ATRNL1: variants seen among roughly 807,000 people sequenced by gnomAD.
The protein encoded by ATRNL1 is attractin-like protein 1.
In ATRNL1, 95 loss-of-function variants were observed where a neutral mutation model predicts 182.7. The ratio of observed to expected loss-of-function variants is 0.52; its 90% CI spans 0.44 to 0.62. The LOEUF is 0.62. Among genes scored for constraint, ATRNL1 ranks in the 20% least tolerant of loss-of-function variants. The probability of loss-of-function intolerance (pLI) is 0.00; values close to 1 mark genes in which losing one functional copy is unlikely to be tolerated. For synonymous variants in ATRNL1, 576 were observed against 568.3 expected (o/e 1.01, Z -0.19); for missense variants, 1,471 against 1,679.5 (o/e 0.88, Z 2.17).
chr10:115,711,251 C>T lies in ATRNL1; in HGVS notation c.3796-15997C>T, dbSNP rs74158259. On this transcript the variant is annotated intron_variant, in intron 26 of 28. Transcript: ENST00000355044. ...GAATTAGGCAGATTTTGTCACCTGC[C>T]ATGGATAATACATTAAGGTATGCTG... is the stretch of plus-strand genomic sequence containing the variant. Among the ~76,000 whole-genome samples the T allele has an allele frequency of 1.3e-3, 205 of 152,164 alleles. 1 individual carries two copies. The highest frequency in any genetic ancestry group is 4.8e-3 in the African/African-American group (199 of 41,516).
intron 22 of ATRNL1, among the ~76,000 whole-genome samples, chr10:115,465,950 G>GCTGTTC (rs1311898550): frequency 1.3e-5 from 2 of 151,534 alleles, no homozygotes; most frequent in Non-Finnish European, 1.5e-5. Flanking sequence ...TAGAGAATAA[G>GCTGTTC]CTGTTCTTCC....
chr10:115,601,213 A>C (rs1212791804), intron 26 of ATRNL1, among the ~76,000 whole-genome samples: 3 of 152,052 alleles, frequency 2.0e-5, no homozygotes, highest in African/African-American at 7.2e-5. Context: ...AATTCTAATT[A>C]GTTCTGTATT....
chr10:115,828,099 C>T (rs138614169), intron 27 of ATRNL1, among the ~76,000 whole-genome samples: 40 of 152,220 alleles, frequency 2.6e-4, no homozygotes, highest in African/African-American at 9.4e-4. Context: ...GGGCGGATCA[C>T]CTGAGGTCTG....
intron 26 of ATRNL1, among the ~76,000 whole-genome samples, chr10:115,582,530 G>A (rs1350734009): frequency 1.6e-5 from 2 of 123,200 alleles, no homozygotes; most frequent in African/African-American, 5.4e-5. Context: ...TTTTTTGGCT[G>A]CATAAATGTC....
Position 115,323,092 on chromosome 10 carries a change from C to A in ATRNL1, c.3037+7356C>A, listed in dbSNP as rs117614311. 1.9e-3 allele frequency among the ~76,000 whole-genome samples: 289 copies of A among 152,050 alleles called. 1 individual carries two copies. The highest frequency in any genetic ancestry group is 2.4e-3 in the Non-Finnish European group (163 of 67,988). On this transcript the variant is annotated intron_variant, in intron 18 of 28. Transcript: ENST00000355044. Reference sequence around the variant, plus strand: ...TTATTTTCTTTTCTCTTTCTCCCTCCTCTCTTTCCAGTGTTTCTATTATTC... The same window carrying A: ...TTATTTTCTTTTCTCTTTCTCCCTCATCTCTTTCCAGTGTTTCTATTATTC...
At chr10:115,871,403 G>A (rs1186808889) in intron 28 of ATRNL1, among the ~76,000 whole-genome samples, 1 of 148,522 alleles carries the variant, frequency 6.7e-6, no homozygotes, top group Middle Eastern at 3.3e-3. Flanking sequence ...TCACTGATAG[G>A]TTGAGGTTAT....
chr10:115,223,887 A>ATATGTGTGTGTGTGTG (rs1554771070), intron 9 of ATRNL1, among the ~76,000 whole-genome samples: 2 of 80,088 alleles, frequency 2.5e-5, no homozygotes, highest in African/African-American at 1.1e-4. Context: ...TATTTAATAT[A>ATATGTGTGTGTGTGTG]TGTGTGTGTG....
chr10:115,728,086 T>G (rs377545217), intron 27 of ATRNL1, among the ~76,000 whole-genome samples: 1 of 116,524 alleles, frequency 8.6e-6, no homozygotes, highest in Non-Finnish European at 1.7e-5. Flanking sequence ...CCATCCTGGC[T>G]AACATGGTGA....
At chr10:115,743,541 A>G (rs1555068331) in intron 27 of ATRNL1, among the ~76,000 whole-genome samples, 1 of 152,194 alleles carries the variant, frequency 6.6e-6, no homozygotes, top group African/African-American at 2.4e-5. Flanking sequence ...ACAGTGAAGC[A>G]TTGAGGATAT....
intron 24 of ATRNL1, among the ~76,000 whole-genome samples, chr10:115,490,756 A>T (rs1180292490): frequency 6.6e-6 from 1 of 151,988 alleles, no homozygotes; most frequent in Non-Finnish European, 1.5e-5. Flanking sequence ...TTCTCCATCC[A>T]GTTTTGTTCC....
chr10:115,477,303 C>T (rs1848580288), intron 24 of ATRNL1, among the ~76,000 whole-genome samples: 1 of 151,586 alleles, frequency 6.6e-6, no homozygotes, highest in Non-Finnish European at 1.5e-5. Context: ...TAAGGTGTTG[C>T]TAACAATATG....
At chr10:115,365,921 G>C (rs1554945790) in intron 19 of ATRNL1, among the ~76,000 whole-genome samples, 2 of 152,178 alleles carry the variant, frequency 1.3e-5, no homozygotes. Flanking sequence ...TACATTTGCT[G>C]AGGAGAGCTT....
intron 26 of ATRNL1, among the ~76,000 whole-genome samples, chr10:115,696,146 C>T (rs1946552319): frequency 6.6e-6 from 1 of 152,156 alleles, no homozygotes; most frequent in South Asian, 2.1e-4. Flanking sequence ...GATCCGCCTG[C>T]CTTGGCCTCC....
At chr10:115,147,103 G>C (rs1159031096) in intron 5 of ATRNL1, among the ~76,000 whole-genome samples, 1 of 152,046 alleles carries the variant, frequency 6.6e-6, no homozygotes, top group Non-Finnish European at 1.5e-5. Flanking sequence ...ACTGTATTAA[G>C]AGTTCCCTTT....
chr10:115,624,056 G>T (rs1857939776), intron 26 of ATRNL1, among the ~76,000 whole-genome samples: 1 of 151,422 alleles, frequency 6.6e-6, no homozygotes, highest in African/African-American at 2.4e-5. Flanking sequence ...TACCCACATA[G>T]TCATAAAATA....
chr10:115,631,544 A>G (rs1858513883), intron 26 of ATRNL1, among the ~76,000 whole-genome samples: 1 of 152,094 alleles, frequency 6.6e-6, no homozygotes, highest in Non-Finnish European at 1.5e-5. Context: ...ATAATTGAGT[A>G]TAAGGGAATA....
intron 8 of ATRNL1, among the ~76,000 whole-genome samples, chr10:115,194,691 T>C (rs149636701): frequency 3.9e-5 from 6 of 151,998 alleles, no homozygotes; most frequent in Non-Finnish European, 8.8e-5. Flanking sequence ...TTACATTCAA[T>C]ATTATTATTG....
At chr10:115,095,216 A>G (rs985212755) in intron 1 of ATRNL1, among the ~76,000 whole-genome samples, 3 of 152,130 alleles carry the variant, frequency 2.0e-5, no homozygotes, top group Non-Finnish European at 4.4e-5. Flanking sequence ...TGGCTCTTGA[A>G]TATTGTAGAT....
chr10:115,717,063 A>G (rs1254999440), intron 26 of ATRNL1, among the ~76,000 whole-genome samples: 6 of 152,148 alleles, frequency 3.9e-5, no homozygotes, highest in Non-Finnish European at 5.9e-5. Flanking sequence ...CCTTTTGCTC[A>G]TTTTGATTTG....
Sources: gnomAD v4.1 joint callset for allele counts (sites outside exome capture counted in the v4.1 genomes callset) on GRCh38, gnomAD v4.1.1 for gene constraint, MANE v1.5 for transcripts, NCBI Gene and HGNC (gene_info 2026-07-23, HGNC 2026-07-21) for gene names.